The following SEC22C variants were observed in gnomAD, a reference collection of about 807,000 sequenced individuals.
SEC22C encodes vesicle-trafficking protein SEC22c.
SEC22C carries 29 observed loss-of-function variants against 34.7 expected under a neutral mutation model. The observed-to-expected ratio is 0.84, with a 90% CI of 0.62 to 1.14. SEC22C has a LOEUF of 1.14. Ranked by LOEUF, SEC22C falls within the 50% of genes most tolerant of loss-of-function variation. The pLI is 0.00. For missense variants in SEC22C, 337 were observed against 369.0 expected, an observed-to-expected ratio of 0.91 and a Z score of 0.71; for synonymous variants, 117 against 132.8, an observed-to-expected ratio of 0.88 and a Z score of 0.82.
At chr3:42,598,533 T>C (rs954244735) in intron 1 of SEC22C, among the ~76,000 whole-genome samples, 1 of 152,026 alleles carries the variant, frequency 6.6e-6, no homozygotes, top group Non-Finnish European at 1.5e-5. Context: ...TTCATCATGT[T>C]GGCCAGGCTG....
rs181293961 is a variant in SEC22C, at chr3:42,552,711, G to A, written c.*537C>T. 163 of 978,370 alleles carry A rather than the reference G, an allele frequency of 1.7e-4. No individual in the cohort carries two copies. The highest frequency in any genetic ancestry group is 5.3e-4 in the Middle Eastern group (1 of 1,900). The allele number at this position is 978,370 out of a possible 1,614,324, so 60.6% of individuals were successfully genotyped here. ...TAATTAAATATTCCAAAGGTATATCGAACCTAAGATATTGAAAAAATGTAA... is the reference window on the plus strand; with the variant it reads ...TAATTAAATATTCCAAAGGTATATCAAACCTAAGATATTGAAAAAATGTAA... On this transcript the variant is annotated 3_prime_UTR_variant, in exon 7 of 7. Coordinates refer to ENST00000264454, the MANE Select transcript of SEC22C (RefSeq NM_032970.4).
intron 6 of SEC22C, among the ~76,000 whole-genome samples, chr3:42,555,162 G>A (rs1172780240): frequency 6.6e-6 from 1 of 151,976 alleles, no homozygotes; most frequent in Non-Finnish European, 1.5e-5. Flanking sequence ...TGGCTAACAT[G>A]GTGAAACCCC....
At position 42,549,995 on chromosome 3, in the gene SEC22C, G is replaced by T; in HGVS notation, c.*3253C>A. ...CCCCAGCTGTCTCCACCCAGGAAAAGGAAAGCCAGGTACACTTCTCATCAC... is the reference window on the plus strand; with the variant it reads ...CCCCAGCTGTCTCCACCCAGGAAAATGAAAGCCAGGTACACTTCTCATCAC... On this transcript the variant is annotated 3_prime_UTR_variant, in exon 7 of 7. Coordinates refer to ENST00000264454, the MANE Select transcript of SEC22C (RefSeq NM_032970.4). 2.0e-6 allele frequency: 2 copies of T among 985,474 alleles called. No individual in the cohort carries two copies. Among genetic ancestry groups the T allele is most frequent in the Non-Finnish European group, 2.4e-6 (2 of 829,960 alleles). 61.0% of individuals were successfully genotyped at this position (985,474 alleles called of 1,614,324 possible). A position where few individuals can be genotyped will look rare whatever the true frequency, so the allele number is the denominator to read the frequency against.
chr3:42,564,036 A>C (rs1359103130), intron 2 of SEC22C: 5 of 942,152 alleles, frequency 5.3e-6, no homozygotes, highest in Non-Finnish European at 7.0e-6. Context: ...CCTAATGTTA[A>C]ATGATCCTGG....
chr3:42,594,509 A>C, intron 1 of SEC22C: 1 of 1,612,124 alleles, frequency 6.2e-7, no homozygotes, highest in Non-Finnish European at 8.5e-7. Context: ...CAATGGAATA[A>C]TCTTTCAAAA....
Position 42,569,061 on chromosome 3 carries a change from G to A in SEC22C, c.-15C>T. ...ATCACGGACATGGTCCACAAGAGAA[G>A]TCATGAGGACACCTGAGGAAAGCAA... On this transcript the variant is annotated 5_prime_UTR_variant, in exon 2 of 7. Coordinates refer to ENST00000264454, the MANE Select transcript of SEC22C (RefSeq NM_032970.4). 2 of 1,611,488 alleles carry A rather than the reference G, an allele frequency of 1.2e-6. No homozygotes were observed. Among genetic ancestry groups the A allele is most frequent in the Non-Finnish European group, 1.7e-6 (2 of 1,178,458 alleles).
At chr3:42,594,504 G>C in intron 1 of SEC22C, 1 of 1,612,792 alleles carries the variant, frequency 6.2e-7, no homozygotes, top group Non-Finnish European at 8.5e-7. Flanking sequence ...AAAAGCAATG[G>C]AATAATCTTT....
chr3:42,561,424 G>A, intron 3 of SEC22C, 128 bp from the exon 4 acceptor site: 1 of 878,380 alleles, frequency 1.1e-6, no homozygotes, highest in Non-Finnish European at 1.8e-6. Context: ...ACTCTGGAGT[G>A]CAGTGCAGTG....
At position 42,555,947 on chromosome 3, in the gene SEC22C, C is replaced by T. The variant is rs779101886; in HGVS notation, c.694G>A (p.Val232Ile). Reference protein sequence around the residue: ...GNILAFLVPFVACIFQCYLYL... With the variant: ...GNILAFLVPFIACIFQCYLYL... ...TCACCCACCTGGAAAATGCAGGCTA[C>T]GAAAGGAACAAGAAAAGCCAGAATG... is the stretch of plus-strand genomic sequence containing the variant. Residue 232 changes from valine (V) to isoleucine (I), a missense_variant, in exon 6 of 7, where the codon GTA becomes ATA. Transcript: ENST00000264454. 6.2e-6 allele frequency: 10 copies of T among 1,613,364 alleles called. No individual in the cohort carries two copies. The highest frequency in any genetic ancestry group is 2.2e-5 in the East Asian group (1 of 44,876).
intron 1 of SEC22C, among the ~76,000 whole-genome samples, chr3:42,597,653 C>T (rs1475361812): frequency 1.3e-5 from 2 of 152,192 alleles, no homozygotes; most frequent in African/African-American, 4.8e-5. Flanking sequence ...ACATGTGGCC[C>T]AGGACAACTT....
intron 1 of SEC22C, among the ~76,000 whole-genome samples, chr3:42,574,102 G>T (rs775547239): frequency 6.6e-6 from 1 of 152,082 alleles, no homozygotes; most frequent in Non-Finnish European, 1.5e-5. Context: ...CTTGAAAGCA[G>T]CAAGAGAAAA....
chr3:42,557,905 T>C (rs568257335), intron 4 of SEC22C, among the ~76,000 whole-genome samples: 3 of 152,330 alleles, frequency 2.0e-5, no homozygotes, highest in Admixed American at 2.0e-4. Context: ...TTGAGTAAAG[T>C]TTCTTCCAGA....
At chr3:42,558,846 G>C (rs904687569) in intron 4 of SEC22C, among the ~76,000 whole-genome samples, 1 of 152,046 alleles carries the variant, frequency 6.6e-6, no homozygotes, top group African/African-American at 2.4e-5. Flanking sequence ...TACCAGAGAG[G>C]ACCAAGGCTT....
At position 42,548,192 on chromosome 3, in the gene SEC22C, A is replaced by G. The variant is rs1702083640; in HGVS notation, c.*5056T>C. 1 of 163,124 alleles carries G rather than the reference A, an allele frequency of 6.1e-6. No individual in the cohort carries two copies. Among genetic ancestry groups the G allele is most frequent in the Admixed American group, 6.2e-5 (1 of 16,172 alleles). The allele number at this position is 163,124 out of a possible 1,614,324, so 10.1% of individuals were successfully genotyped here. On this transcript the variant is annotated 3_prime_UTR_variant, in exon 7 of 7. Coordinates refer to ENST00000264454, the MANE Select transcript of SEC22C (RefSeq NM_032970.4). Reference sequence around the variant, plus strand: ...CAGCAAGTATTGAAAACGAATATGTAAAGTAAATGGTTTTGCCCTGACTAA... The same window carrying G: ...CAGCAAGTATTGAAAACGAATATGTGAAGTAAATGGTTTTGCCCTGACTAA...
At chr3:42,568,124 G>A in intron 2 of SEC22C, among the ~76,000 whole-genome samples, 1 of 151,252 alleles carries the variant, frequency 6.6e-6, no homozygotes, top group Middle Eastern at 3.4e-3. Context: ...ATAAAAAAGT[G>A]AAAAAATTAA....
At chr3:42,561,409 C>T (rs1417067837) in intron 3 of SEC22C, 113 bp from the exon 4 acceptor site, 7 of 1,080,622 alleles carry the variant, frequency 6.5e-6, no homozygotes, top group South Asian at 1.5e-5. Context: ...GTCTCACTGT[C>T]GCCCACTCTG....
chr3:42,561,400 T>G, intron 3 of SEC22C, 104 bp from the exon 4 acceptor site: 1 of 1,203,132 alleles, frequency 8.3e-7, no homozygotes, highest in Non-Finnish European at 1.2e-6. Flanking sequence ...GAAGATAGGG[T>G]CTCACTGTCG....
At chr3:42,584,411 C>T (rs569920692), upstream of SEC22C, among the ~76,000 whole-genome samples, 13 of 152,268 alleles carry the variant, frequency 8.5e-5, no homozygotes, top group African/African-American at 1.2e-4. Context: ...TCTGCCAACA[C>T]GCCCAGCTAA....
At chr3:42,576,111 G>A (rs150864022) in intron 1 of SEC22C, among the ~76,000 whole-genome samples, 20 of 151,858 alleles carry the variant, frequency 1.3e-4, no homozygotes, top group East Asian at 3.9e-4. Flanking sequence ...AAAACAATCC[G>A]TAAGTTAAAA....
Sources: allele counts gnomAD v4.1 joint callset (sites outside exome capture counted in the v4.1 genomes callset), GRCh38; gene constraint gnomAD v4.1.1; transcripts MANE v1.5; gene names NCBI Gene and HGNC (gene_info 2026-07-23, HGNC 2026-07-21).